SEPTIN8: variants seen among roughly 807,000 people sequenced by gnomAD.
SEPTIN8 encodes septin 8, also known as septin-8.
SEPTIN8 carries 22 observed loss-of-function variants against 53.1 expected under a neutral mutation model. The observed-to-expected ratio is 0.41, with a 90% confidence interval of 0.30 to 0.59. The LOEUF (loss-of-function observed/expected upper bound fraction) is 0.59. SEPTIN8 is among the 20% of genes least tolerant of loss of function. SEPTIN8 has a pLI of 0.24. For synonymous variants in SEPTIN8, 228 were observed against 248.4 expected (o/e 0.92, Z 0.77); for missense variants, 536 against 638.7 (o/e 0.84, Z 1.73).
At chr5:132,775,195 A>G (rs1432343781) in intron 1 of SEPTIN8, among the ~76,000 whole-genome samples, 1 of 152,166 alleles carries the variant, frequency 6.6e-6, no homozygotes, top group Non-Finnish European at 1.5e-5. Flanking sequence ...ATGGTCCGAG[A>G]GCAAACACAG....
chr5:132,772,595 C>T (rs1237081911), intron 1 of SEPTIN8, among the ~76,000 whole-genome samples: 1 of 152,204 alleles, frequency 6.6e-6, no homozygotes, highest in Non-Finnish European at 1.5e-5. Context: ...GCAAATGAAA[C>T]CCTTGGAGGG....
chr5:132,777,031 G>A lies in SEPTIN8; in HGVS notation c.30+77C>T, dbSNP rs1354521486. The A allele has an allele frequency of 2.1e-6, 2 of 948,114 alleles. No individual in the cohort carries two copies. Among genetic ancestry groups the A allele is most frequent in the Non-Finnish European group, 2.6e-6 (2 of 756,010 alleles). The allele number at this position is 948,114 out of a possible 1,614,324, so 58.7% of individuals were successfully genotyped here. A position where few individuals can be genotyped will look rare whatever the true frequency, so the allele number is the denominator to read the frequency against. ...GTGAGGCGCTGACAGCCCGCTTCGC[G>A]CCCCCCGCCAGCTGCAGGGCGGCCC... On this transcript the variant is annotated intron_variant, in intron 1 of 9. Transcript: ENST00000378719. This position sits in a 1 kb window ranked among gnomAD's most constrained non-coding sequence, Gnocchi z 4.1.
upstream of SEPTIN8, chr5:132,777,722 C>G (rs1254760983): frequency 2.0e-6 from 2 of 985,408 alleles, no homozygotes; most frequent in Non-Finnish European, 2.4e-6. The surrounding 1 kb of genome is among the most constrained non-coding windows in gnomAD (Gnocchi z 4.1). Flanking sequence ...CGGGAGAGGC[C>G]GCGGCAGCCT....
intron 9 of SEPTIN8, chr5:132,758,497 G>A (rs557556946): frequency 4.4e-5 from 71 of 1,612,750 alleles, no homozygotes; most frequent in Admixed American, 1.0e-4. Context: ...TCGCTAGAGC[G>A]GCACATAACA....
intron 2 of SEPTIN8, among the ~76,000 whole-genome samples, chr5:132,764,979 C>T (rs1756434474): frequency 6.6e-6 from 1 of 151,962 alleles, no homozygotes; most frequent in Admixed American, 6.6e-5. Flanking sequence ...CTCCGAGAGC[C>T]TCTCTGCTTG....
At chr5:132,775,242 C>T (rs964467281) in intron 1 of SEPTIN8, among the ~76,000 whole-genome samples, 1 of 152,232 alleles carries the variant, frequency 6.6e-6, no homozygotes, top group Non-Finnish European at 1.5e-5. Flanking sequence ...CACAGCATGG[C>T]CTCTCAGCTA....
At chr5:132,763,991 CCTTTT>C (rs1756296049) in intron 3 of SEPTIN8, 99 bp from the exon 4 acceptor site, 5 of 1,276,312 alleles carry the variant, frequency 3.9e-6, no homozygotes, top group Non-Finnish European at 5.4e-6. Flanking sequence ...TGCCCCCTGG[CCTTTT>C]CTTTCTGGGA....
intron 9 of SEPTIN8, chr5:132,757,343 T>C: frequency 1.0e-6 from 1 of 985,392 alleles, no homozygotes; most frequent in Non-Finnish European, 1.2e-6. Flanking sequence ...TGGCCGTGCC[T>C]CGGTGGACAC....
chr5:132,758,401 A>G (rs1755542582), intron 9 of SEPTIN8: 1 of 1,528,004 alleles, frequency 6.5e-7, no homozygotes, highest in Admixed American at 2.1e-5. Context: ...CAGCATGTAT[A>G]CCAGACCACG....
rs1756489873 is a variant in SEPTIN8 at position 132,765,501 on chromosome 5, G to A, written c.59C>T (p.Ser20Phe). 1.2e-6 allele frequency: 2 copies of A among 1,610,540 alleles called. No individual in the cohort carries two copies. The highest frequency in any genetic ancestry group is 8.5e-7 in the Non-Finnish European group (1 of 1,178,348). Residue 20 changes from serine (S) to phenylalanine (F), a missense_variant, in exon 2 of 10, where the codon TCC (serine) becomes TTC (phenylalanine). Physicochemically the swap from Ser to Phe is radical, Grantham distance 155 (BLOSUM62 -2). Around this residue, in one of 3 missense-constraint regions of SEPTIN8, gnomAD observed 395 missense variants for 451.8 expected, o/e 0.87. Transcript: ENST00000378719. ...SNAEPEPRSL[S>F]LGGHVGFDSL... ...GTCGAAACCCACATGGCCGCCCAGG[G>A]AGAGGCTCCGGGGCTCTGGCTCTGC...
intron 9 of SEPTIN8, chr5:132,752,773 A>G (rs1479440431): frequency 9.4e-7 from 1 of 1,069,256 alleles, no homozygotes; most frequent in South Asian, 1.4e-5. Flanking sequence ...ACCTTCCTGA[A>G]CTTGCTTCAT....
At chr5:132,772,865 A>G (rs1757448882) in intron 1 of SEPTIN8, among the ~76,000 whole-genome samples, 1 of 152,174 alleles carries the variant, frequency 6.6e-6, no homozygotes, top group Non-Finnish European at 1.5e-5. Flanking sequence ...AGCATCAGGC[A>G]GCCCAAGCCC....
At position 132,752,005 on chromosome 5, in the gene SEPTIN8, G is replaced by A. The variant is rs115152193; in HGVS notation, c.*11C>T. 118 of 1,612,204 alleles carry A rather than the reference G, an allele frequency of 7.3e-5. No individual in the cohort carries two copies. The Middle Eastern group carries it at 8.3e-4, about 11-fold the overall frequency. On this transcript the variant is annotated 3_prime_UTR_variant, in exon 10 of 10. Coordinates refer to ENST00000378719, the MANE Select transcript of SEPTIN8 (RefSeq NM_001098811.2). Reference sequence around the variant, plus strand: ...GGTCCTGAGCTGGCCCCATGTGTTGGAGCTGCTGCCTCAGAGGAATCCTTC... The same window carrying A: ...GGTCCTGAGCTGGCCCCATGTGTTGAAGCTGCTGCCTCAGAGGAATCCTTC...
At chr5:132,756,406 A>G (rs1755345659) in intron 9 of SEPTIN8, 3 of 985,278 alleles carry the variant, frequency 3.0e-6, no homozygotes, top group Admixed American at 1.2e-4. Flanking sequence ...TTCTACCTCA[A>G]ACAAACATGG....
rs530080434 is a variant in SEPTIN8, at chr5:132,754,425, T to C, written c.1287-2244A>G. On this transcript the variant is annotated intron_variant, in intron 9 of 9. Transcript: ENST00000378719. ...CTGAGGGCCCATACCAGTTTAGGCA[T>C]CCCAGGCTTTAGGGGAACTGCTGGA... is the stretch of plus-strand genomic sequence containing the variant. 2.6e-4 allele frequency: 187 copies of C among 717,448 alleles called. 1 individual carries two copies. The East Asian group carries it at 4.9e-3, about 19-fold the overall frequency. The allele number at this position is 717,448 out of a possible 1,614,324, so 44.4% of individuals were successfully genotyped here.
intron 4 of SEPTIN8, 137 bp from the exon 5 acceptor site, chr5:132,762,782 A>T: frequency 1.1e-6 from 1 of 919,978 alleles, no homozygotes; most frequent in African/African-American, 1.6e-5. Context: ...AGATGGAGCC[A>T]CTCCCACGGG....
intron 1 of SEPTIN8, among the ~76,000 whole-genome samples, chr5:132,775,470 C>T (rs902581753): frequency 1.3e-5 from 2 of 152,200 alleles, no homozygotes; most frequent in African/African-American, 4.8e-5. Flanking sequence ...CCTCACAATA[C>T]CCCTATGAGG....
In SEPTIN8 at chr5:132,751,998, T is replaced by G. The variant is rs1303594606; in HGVS notation, c.*18A>C. On this transcript the variant is annotated 3_prime_UTR_variant, in exon 10 of 10. Transcript: ENST00000378719. ...CCCTGGTGGTCCTGAGCTGGCCCCA[T>G]GTGTTGGAGCTGCTGCCTCAGAGGA... The G allele has an allele frequency of 6.2e-7, 1 of 1,612,244 alleles. No individual in the cohort carries two copies. Among genetic ancestry groups the G allele is most frequent in the South Asian group, 1.1e-5 (1 of 90,200 alleles).
intron 1 of SEPTIN8, among the ~76,000 whole-genome samples, chr5:132,772,075 G>A (rs559430819): frequency 5.3e-5 from 8 of 152,266 alleles, no homozygotes; most frequent in African/African-American, 1.4e-4. Flanking sequence ...GTAACAGGAA[G>A]CCAATCATCC....
Sources: allele counts gnomAD v4.1 joint callset (sites outside exome capture counted in the v4.1 genomes callset), GRCh38; gene constraint gnomAD v4.1.1; regional missense constraint gnomAD v4.1.1; non-coding constraint Gnocchi (gnomAD v3.1); transcripts MANE v1.5; gene names NCBI Gene and HGNC (gene_info 2026-07-23, HGNC 2026-07-21).